Variants in NPHP4 observed in about 807,000 individuals in gnomAD.
NPHP4 encodes nephrocystin-4.
NPHP4 carries 151 observed loss-of-function variants against 155.8 expected under a neutral mutation model. The ratio of observed to expected loss-of-function variants is 0.97; its 90% confidence interval spans 0.85 to 1.11. The LOEUF is 1.11. Among genes scored for constraint, NPHP4 ranks in the 50% least tolerant of loss-of-function variants. NPHP4 has a pLI of 0.00. For synonymous variants in NPHP4, 845 were observed against 816.8 expected, an observed-to-expected ratio of 1.03 and a Z score of -0.59; for missense variants, 1,956 against 1,925.7, an observed-to-expected ratio of 1.02 and a Z score of -0.29.
intron 1 of NPHP4, among the ~76,000 whole-genome samples, chr1:5,991,116 G>A (rs1256269902): frequency 2.6e-5 from 4 of 152,122 alleles, no homozygotes; most frequent in African/African-American, 9.7e-5. Flanking sequence ...TTCCCGGAAT[G>A]GAAAATGTGT....
At chr1:5,927,379 G>A (rs1410010421) in intron 11 of NPHP4, among the ~76,000 whole-genome samples, 6 of 152,190 alleles carry the variant, frequency 3.9e-5, no homozygotes, top group South Asian at 2.1e-4. Flanking sequence ...TCCATGTGAC[G>A]TGTCCTTTTA....
intron 2 of NPHP4, among the ~76,000 whole-genome samples, chr1:5,983,333 C>T (rs116853312): frequency 6.6e-6 from 1 of 152,250 alleles, no homozygotes; most frequent in East Asian, 1.9e-4. Context: ...AGTCTGGGAA[C>T]TTAGATTTCA....
intron 6 of NPHP4, among the ~76,000 whole-genome samples, chr1:5,959,060 G>T (rs1436589562): frequency 6.6e-6 from 1 of 151,634 alleles, no homozygotes; most frequent in African/African-American, 2.4e-5. Context: ...GGGGCGGCAG[G>T]TGTTGCTGAG....
At chr1:5,949,218 C>A (rs906851515) in intron 7 of NPHP4, among the ~76,000 whole-genome samples, 34 of 152,260 alleles carry the variant, frequency 2.2e-4, no homozygotes, top group South Asian at 8.3e-4. Flanking sequence ...AGGAACTACA[C>A]CAAGGAAACG....
chr1:5,960,331 G>A (rs1232849807), intron 6 of NPHP4, among the ~76,000 whole-genome samples: 2 of 152,246 alleles, frequency 1.3e-5, no homozygotes, highest in East Asian at 3.9e-4. Flanking sequence ...TCACAATGAT[G>A]ATGTCCACCA....
intron 7 of NPHP4, among the ~76,000 whole-genome samples, chr1:5,948,720 C>A (rs1647318007): frequency 6.6e-6 from 1 of 152,046 alleles, no homozygotes; most frequent in Non-Finnish European, 1.5e-5. Flanking sequence ...TGCTCAGAGG[C>A]AGAGCTCATC....
chr1:5,885,713 C>T (rs916927914), intron 18 of NPHP4, among the ~76,000 whole-genome samples: 26 of 152,356 alleles, frequency 1.7e-4, no homozygotes, highest in African/African-American at 1.9e-4. Flanking sequence ...GGTTCTGTCC[C>T]GTGCGGTAAC....
chr1:5,905,502 T>A lies in NPHP4; in HGVS notation c.1764-19A>T, dbSNP rs551122107. The A allele has an allele frequency of 4.4e-6, 7 of 1,598,310 alleles. No individual in the cohort carries two copies. The East Asian group carries it at 1.1e-4, about 26-fold the overall frequency. On this transcript the variant is annotated intron_variant, in intron 14 of 29. Transcript: ENST00000378156. This position sits in a 1 kb window ranked among gnomAD's most constrained non-coding sequence, Gnocchi z 4.0. ...TGCAGAGCTGAGACACAGAGACTCC[T>A]CAGGTAGCCTCCCGGGAAAGGGGGG...
chr1:5,945,622 C>G (rs1196662836), intron 9 of NPHP4, among the ~76,000 whole-genome samples: 1 of 152,198 alleles, frequency 6.6e-6, no homozygotes, highest in South Asian at 2.1e-4. Flanking sequence ...CTGAGGCACA[C>G]CCTAAGACCG....
At chr1:5,873,067 C>T (rs1398607326) in intron 23 of NPHP4, among the ~76,000 whole-genome samples, 185 bp downstream of exon 23, 1 of 152,194 alleles carries the variant, frequency 6.6e-6, no homozygotes, top group Non-Finnish European at 1.5e-5. Context: ...CAGGCTGTGC[C>T]AGCGCCCAGA....
At chr1:5,906,821 C>G (rs983153776) in intron 13 of NPHP4, among the ~76,000 whole-genome samples, 1 of 152,238 alleles carries the variant, frequency 6.6e-6, no homozygotes, top group Admixed American at 6.5e-5. Context: ...CTTTTACTTT[C>G]ACGTAGAGAC....
In NPHP4 at chr1:5,905,411, G is replaced by A. The variant is rs757129862; in HGVS notation, c.1836C>T (p.Ala612=). ...TGACAGCCTCGGCTGGCTGTTTATT[G>A]GCATCCAGAATCTCGGGAAAGCCGG... ...QSSGFPEILD[A]NKQPAEAVSA... Residue 612 remains alanine (A), a synonymous_variant, in exon 15 of 30, where the codon GCC becomes GCT. Transcript: ENST00000378156. This position sits in a 1 kb window ranked among gnomAD's most constrained non-coding sequence, Gnocchi z 4.0. The A allele has an allele frequency of 1.2e-6, 2 of 1,613,096 alleles. No homozygotes were observed. Among genetic ancestry groups the A allele is most frequent in the Non-Finnish European group, 1.7e-6 (2 of 1,179,120 alleles).
rs778998843 is a variant in NPHP4 at position 5,864,437 on chromosome 1, G to A, written c.3897C>T (p.Gly1299=). 2.5e-6 allele frequency: 4 copies of A among 1,608,836 alleles called. No individual in the cohort carries two copies. The highest frequency in any genetic ancestry group is 2.2e-5 in the East Asian group (1 of 44,650). The change falls in exon 28 of 30, where the codon GGC becomes GGT. Residue 1299 remains glycine (G), a synonymous_variant. Transcript: ENST00000378156. ...CCAGGTTGAGATGGACAAAGCGGCT[G>A]CCGGCCCTAAGGGGCCTCACGCCAA... ...LHVGVRPLRA[G]SRFVHLNLVD... is the part of the protein sequence containing the mutation.
intron 11 of NPHP4, among the ~76,000 whole-genome samples, chr1:5,909,967 GGCCCAGCA>G (rs1188287568): frequency 6.6e-6 from 1 of 152,182 alleles, no homozygotes; most frequent in Non-Finnish European, 1.5e-5. Flanking sequence ...GACACCTCAT[GGCCCAGCA>G]GACCCAGGGC....
At chr1:5,954,052 G>A (rs1648718470) in intron 6 of NPHP4, among the ~76,000 whole-genome samples, 1 of 152,192 alleles carries the variant, frequency 6.6e-6, no homozygotes, top group Admixed American at 6.5e-5. Flanking sequence ...TTATGAGTCA[G>A]TATCGCCTTT....
At chr1:5,974,111 A>T (rs1465019394) in intron 3 of NPHP4, among the ~76,000 whole-genome samples, 1 of 152,254 alleles carries the variant, frequency 6.6e-6, no homozygotes, top group Non-Finnish European at 1.5e-5. Flanking sequence ...CCTTGACAGC[A>T]TCCACTTTTC....
chr1:5,864,619 C>A, intron 27 of NPHP4, 102 bp from the exon 28 acceptor site: 1 of 1,182,280 alleles, frequency 8.5e-7, no homozygotes, highest in South Asian at 1.7e-5. Context: ...AGCCCAAGGT[C>A]ATGGGTGGTT....
Position 5,880,179 on chromosome 1 carries a change from A to G in NPHP4, c.2546T>C (p.Val849Ala). The part of the protein sequence containing the change: ...CSTLPPSRSR[V>A]ISNDGASRFS... Reference sequence around the variant, plus strand: ...GCGGCTGGCTCCATCGTTTGAGATGACCCGAGATCTGGACGGTGGCAATGT... The same window carrying G: ...GCGGCTGGCTCCATCGTTTGAGATGGCCCGAGATCTGGACGGTGGCAATGT... Residue 849 changes from valine (V) to alanine (A), a missense_variant, in exon 19 of 30, where the codon GTC becomes GCC. Physicochemically the swap from Val to Ala is moderately conservative, Grantham distance 64. Coordinates refer to ENST00000378156, the MANE Select transcript of NPHP4 (RefSeq NM_015102.5). 6.2e-7 allele frequency: 1 copy of G among 1,613,716 alleles called. No individual in the cohort carries two copies. Among genetic ancestry groups the G allele is most frequent in the Non-Finnish European group, 8.5e-7 (1 of 1,179,772 alleles).
rs750461576 is a variant in NPHP4, at chr1:5,880,148, A to C, written c.2577T>G (p.Ser859=). Residue 859 remains serine, a synonymous_variant, in exon 19 of 30, where the codon TCT becomes TCG. Transcript: ENST00000378156. ...VISNDGASRF[S]GGSLLTTGSS... ...TTCCAGTCGTGAGGAGGCTGCCTCC[A>C]GAGAAGCGGCTGGCTCCATCGTTTG... 6.2e-7 allele frequency: 1 copy of C among 1,613,706 alleles called. No homozygotes were observed. The highest frequency in any genetic ancestry group is 8.5e-7 in the Non-Finnish European group (1 of 1,179,734).
Sources: gnomAD v4.1 joint callset for allele counts (sites outside exome capture counted in the v4.1 genomes callset) on GRCh38, gnomAD v4.1.1 for gene constraint, Gnocchi (gnomAD v3.1) non-coding constraint, MANE v1.5 for transcripts, NCBI Gene and HGNC (gene_info 2026-07-23, HGNC 2026-07-21) for gene names.